HDAC8: variants seen among roughly 807,000 people sequenced by gnomAD.
HDAC8 encodes histone deacetylase-like 1.
HDAC8 carries 1 observed loss-of-function variant against 32.2 expected under a neutral mutation model. The ratio of observed to expected loss-of-function variants is 0.03; its 90% CI spans 0.01 to 0.15. The LOEUF is 0.15. Ranked by LOEUF, HDAC8 falls within the 10% of genes least tolerant of loss-of-function variation. The probability of loss-of-function intolerance (pLI) is 1.00; values close to 1 mark genes in which losing one functional copy is unlikely to be tolerated. For missense variants in HDAC8, 117 were observed against 300.0 expected (o/e 0.39, Z 4.51); for synonymous variants, 108 against 113.9 (o/e 0.95, Z 0.33).
intron 9 of HDAC8, among the ~76,000 whole-genome samples, chrX:72,388,595 TACACACACACACACACACACACACAC>T (rs59374504): frequency 1.1e-5 from 1 of 88,385 alleles, no homozygotes; most frequent in Non-Finnish European, 2.2e-5. Context: ...CCACAGTGAT[TACACACACACACACACACACACACAC>T]ACACACACAC....
intron 4 of HDAC8, among the ~76,000 whole-genome samples, chrX:72,536,869 T>C (rs375888813): frequency 8.9e-6 from 1 of 112,070 alleles, no homozygotes; most frequent in Admixed American, 9.5e-5. Flanking sequence ...GCAGTGGACA[T>C]AGTTCTGCAT....
At chrX:72,465,323 TA>T (rs1358777483) in intron 7 of HDAC8, among the ~76,000 whole-genome samples, 31 of 111,853 alleles carry the variant, frequency 2.8e-4, no homozygotes, top group Non-Finnish European at 3.9e-4. Flanking sequence ...ACAACTGATC[TA>T]AAATTATAAA....
At chrX:72,411,962 A>G (rs2147900639) in intron 9 of HDAC8, among the ~76,000 whole-genome samples, 1 of 112,338 alleles carries the variant, frequency 8.9e-6, no homozygotes, top group African/African-American at 3.2e-5. Context: ...TAAGAATTTT[A>G]TTCAAGAAAC....
chrX:72,462,260 AG>A (rs1264041248), intron 8 of HDAC8, 162 bp from the exon 9 acceptor site: 4 of 439,802 alleles, frequency 9.1e-6, no homozygotes, highest in Non-Finnish European at 1.2e-5. Context: ...ACCACCTAGT[AG>A]GCAGACTTTG....
At chrX:72,500,135 A>G (rs781899224) in intron 4 of HDAC8, among the ~76,000 whole-genome samples, 16 of 111,612 alleles carry the variant, frequency 1.4e-4, no homozygotes, top group African/African-American at 4.2e-4. Context: ...AATCAGTAAT[A>G]AATAGCTTTA....
intron 9 of HDAC8, among the ~76,000 whole-genome samples, chrX:72,358,062 G>A (rs991130735): frequency 9.1e-6 from 1 of 109,532 alleles, no homozygotes; most frequent in African/African-American, 3.3e-5. Flanking sequence ...GCACCACCAC[G>A]TCTGGCTAAT....
chrX:72,494,828 T>C (rs782370282), intron 5 of HDAC8, among the ~76,000 whole-genome samples: 32 of 111,589 alleles, frequency 2.9e-4, no homozygotes, highest in Non-Finnish European at 5.8e-4. Context: ...GTCATCCCTA[T>C]AGATTCCCTT....
intron 9 of HDAC8, among the ~76,000 whole-genome samples, chrX:72,368,497 C>T (rs1365791345): frequency 4.5e-5 from 5 of 110,725 alleles, no homozygotes; most frequent in Non-Finnish European, 7.6e-5. Context: ...GCTGGGATTA[C>T]AGGCACGCAC....
intron 4 of HDAC8, among the ~76,000 whole-genome samples, chrX:72,500,458 G>C (rs1386743430): frequency 8.9e-6 from 1 of 112,023 alleles, no homozygotes; most frequent in Non-Finnish European, 1.9e-5. Flanking sequence ...TCTCTACGAT[G>C]CAAGGTTGGC....
intron 7 of HDAC8, among the ~76,000 whole-genome samples, chrX:72,487,773 G>A (rs978589016): frequency 4.7e-5 from 5 of 107,269 alleles, no homozygotes; most frequent in African/African-American, 1.7e-4. Flanking sequence ...GCACTGTTAA[G>A]AAAGGGATTA....
chrX:72,568,710 A>C (rs1166108828), intron 3 of HDAC8, 44 bp downstream of exon 3: 1 of 1,189,078 alleles, frequency 8.4e-7, no homozygotes, highest in Non-Finnish European at 1.1e-6. Context: ...TTATAAAAAA[A>C]ATTAGTCTGT....
At chrX:72,548,143 C>T (rs1452186514) in intron 4 of HDAC8, among the ~76,000 whole-genome samples, 2 of 111,767 alleles carry the variant, frequency 1.8e-5, no homozygotes, top group African/African-American at 3.3e-5. Flanking sequence ...AACATCTAAC[C>T]GTGTTACTTC....
At chrX:72,337,727 A>T (rs372194064) in intron 10 of HDAC8, among the ~76,000 whole-genome samples, 37 of 110,923 alleles carry the variant, frequency 3.3e-4, no homozygotes, top group African/African-American at 1.2e-3. Flanking sequence ...AGACCACATC[A>T]CTCCTATGCT....
At chrX:72,491,182 C>A (rs782734842) in intron 5 of HDAC8, among the ~76,000 whole-genome samples, 176 bp from the exon 6 acceptor site, 64 of 111,827 alleles carry the variant, frequency 5.7e-4, no homozygotes, top group African/African-American at 2.0e-3. Flanking sequence ...CTCGTAATTA[C>A]AAGATGAGGT....
intron 9 of HDAC8, among the ~76,000 whole-genome samples, chrX:72,445,853 C>T (rs1272423080): frequency 8.9e-6 from 1 of 111,875 alleles, no homozygotes; most frequent in South Asian, 3.7e-4. Context: ...AAATAAACAA[C>T]CCCATCAAAA....
At chrX:72,342,031 G>A (rs782067727) in intron 10 of HDAC8, among the ~76,000 whole-genome samples, 27 of 111,889 alleles carry the variant, frequency 2.4e-4, no homozygotes, top group African/African-American at 8.8e-4. Flanking sequence ...TTTATGGCCC[G>A]TCTCTAGGCA....
chrX:72,564,187 TTA>T (rs2051695744), intron 4 of HDAC8, among the ~76,000 whole-genome samples: 1 of 112,123 alleles, frequency 8.9e-6, no homozygotes, highest in African/African-American at 3.2e-5. Context: ...CCTAATGGTT[TTA>T]ATTTACATTT....
intron 4 of HDAC8, among the ~76,000 whole-genome samples, chrX:72,551,246 T>C (rs1409192063): frequency 9.0e-6 from 1 of 111,678 alleles, no homozygotes; most frequent in African/African-American, 3.3e-5. Flanking sequence ...TTGGGAACAC[T>C]AATGAAGTCC....
intron 7 of HDAC8, among the ~76,000 whole-genome samples, chrX:72,472,031 C>T (rs1318011695): frequency 1.8e-5 from 2 of 108,851 alleles, no homozygotes; most frequent in Admixed American, 9.8e-5. Flanking sequence ...ATATATGGTG[C>T]GAGGTAAGGG....
Sources: gnomAD v4.1 joint callset for allele counts (sites outside exome capture counted in the v4.1 genomes callset) on GRCh38, gnomAD v4.1.1 for gene constraint, MANE v1.5 for transcripts, NCBI Gene and HGNC (gene_info 2026-07-23, HGNC 2026-07-21) for gene names.